Variants in TRAPPC9 observed in about 807,000 individuals in gnomAD.
The protein encoded by TRAPPC9 is trafficking protein particle complex subunit 9.
In TRAPPC9, 83 loss-of-function variants were observed where a neutral mutation model predicts 124.0. The observed-to-expected ratio is 0.67, with a 90% CI of 0.56 to 0.80. The LOEUF (loss-of-function observed/expected upper bound fraction) is 0.80. TRAPPC9 is among the 30% of genes least tolerant of loss of function. TRAPPC9 has a pLI of 0.00. For synonymous variants in TRAPPC9, 638 were observed against 617.5 expected (o/e 1.03, Z -0.49); for missense variants, 1,302 against 1,508.3 (o/e 0.86, Z 2.27).
chr8:140,136,668 T>G (rs1005754034), intron 17 of TRAPPC9, among the ~76,000 whole-genome samples: 1 of 152,144 alleles, frequency 6.6e-6, no homozygotes, highest in Non-Finnish European at 1.5e-5. Context: ...TGAAACCTTA[T>G]CTCTACTAAA....
intron 7 of TRAPPC9, among the ~76,000 whole-genome samples, chr8:140,371,618 CT>C (rs1163723586): frequency 1.1e-5 from 1 of 93,742 alleles, no homozygotes; most frequent in Non-Finnish European, 2.1e-5. Context: ...AGACTTAAGA[CT>C]TCAGGGTTTA....
intron 19 of TRAPPC9, among the ~76,000 whole-genome samples, chr8:139,972,045 C>T (rs568296489): frequency 1.3e-5 from 2 of 152,034 alleles, no homozygotes; most frequent in East Asian, 3.9e-4. Context: ...AGGCTGATCT[C>T]GAACTCCTGA....
chr8:140,064,547 G>C (rs1842806282), intron 17 of TRAPPC9, among the ~76,000 whole-genome samples: 1 of 152,192 alleles, frequency 6.6e-6, no homozygotes, highest in African/African-American at 2.4e-5. Flanking sequence ...AATTTCCCCT[G>C]CAGGCGCACA....
At chr8:140,303,682 A>G (rs1381701756) in intron 10 of TRAPPC9, among the ~76,000 whole-genome samples, 1 of 152,236 alleles carries the variant, frequency 6.6e-6, no homozygotes, top group African/African-American at 2.4e-5. Context: ...ATTTTGGAAC[A>G]CAATTAAAAT....
intron 17 of TRAPPC9, among the ~76,000 whole-genome samples, chr8:140,170,334 G>A (rs1242643434): frequency 1.3e-5 from 2 of 152,142 alleles, no homozygotes; most frequent in Admixed American, 6.5e-5. Context: ...CTGTTCTCTA[G>A]ATTAAGAAAC....
At chr8:140,094,036 T>A (rs1200092183) in intron 17 of TRAPPC9, among the ~76,000 whole-genome samples, 1 of 152,296 alleles carries the variant, frequency 6.6e-6, no homozygotes, top group East Asian at 1.9e-4. Flanking sequence ...CTTGAAGAGC[T>A]GAGGAGGTCA....
At chr8:140,115,178 A>G (rs2060855193) in intron 17 of TRAPPC9, among the ~76,000 whole-genome samples, 1 of 152,170 alleles carries the variant, frequency 6.6e-6, no homozygotes, top group South Asian at 2.1e-4. Context: ...TTGCATGTCT[A>G]CTTACCCACA....
At chr8:140,274,574 T>C (rs2065056923) in intron 15 of TRAPPC9, among the ~76,000 whole-genome samples, 1 of 152,238 alleles carries the variant, frequency 6.6e-6, no homozygotes, top group South Asian at 2.1e-4. Flanking sequence ...CAAGATACCC[T>C]GAAATTCTCC....
chr8:140,268,805 T>C (rs58603321), intron 15 of TRAPPC9, among the ~76,000 whole-genome samples: 37,522 of 152,004 alleles, frequency 0.25, 5,060 homozygotes, highest in African/African-American at 0.35. Flanking sequence ...GCATGACGGG[T>C]GACTACACTT....
chr8:140,121,649 T>C lies in TRAPPC9; in HGVS notation c.2557-97570A>G, dbSNP rs1394188424. Among the ~76,000 whole-genome samples the C allele has an allele frequency of 7.9e-5, 12 of 152,176 alleles. No homozygotes were observed. The South Asian group carries it at 1.7e-3, about 21-fold the overall frequency. On this transcript the variant is annotated intron_variant, in intron 17 of 22. Coordinates refer to ENST00000438773, the MANE Select transcript of TRAPPC9 (RefSeq NM_001160372.4). ...TAATTATAGGCACACTGTGAAGTCA[T>C]TACCAAAGGCAAAATTGCATGTCTA...
intron 17 of TRAPPC9, 111 bp from the exon 18 acceptor site, chr8:140,024,190 TAGTCA>T: frequency 7.4e-7 from 1 of 1,342,528 alleles, no homozygotes; most frequent in Non-Finnish European, 1.0e-6. Flanking sequence ...TAATCCCAAC[TAGTCA>T]AGTCATCAGC....
At chr8:140,113,272 G>T (rs529896320) in intron 17 of TRAPPC9, among the ~76,000 whole-genome samples, 1 of 152,350 alleles carries the variant, frequency 6.6e-6, no homozygotes, top group African/African-American at 2.4e-5. Context: ...ATCCCAGGCA[G>T]CATGTGCTGC....
At chr8:140,003,208 G>C (rs1038378289) in intron 18 of TRAPPC9, among the ~76,000 whole-genome samples, 1 of 151,896 alleles carries the variant, frequency 6.6e-6, no homozygotes, top group African/African-American at 2.4e-5. Flanking sequence ...ACTTAAAAAG[G>C]TACTTTACCA....
Position 139,907,664 on chromosome 8 carries a change from C to G in TRAPPC9, c.2964+2483G>C, listed in dbSNP as rs1159085672. On this transcript the variant is annotated intron_variant, in intron 20 of 22. Coordinates refer to ENST00000438773, the MANE Select transcript of TRAPPC9 (RefSeq NM_001160372.4). This position sits in a 1 kb window ranked among gnomAD's most constrained non-coding sequence, Gnocchi z 4.7. ...AATCAAGCTCTCATAAACTTCCGAT[C>G]AGTAAATGTATGGGGCAGATGTGCT... Among the ~76,000 whole-genome samples the G allele has an allele frequency of 6.6e-6, 1 of 152,106 alleles. No homozygotes were observed. Among genetic ancestry groups the G allele is most frequent in the Non-Finnish European group, 1.5e-5 (1 of 68,026 alleles).
At chr8:140,019,174 T>A (rs1184914733) in intron 18 of TRAPPC9, among the ~76,000 whole-genome samples, 1 of 152,224 alleles carries the variant, frequency 6.6e-6, no homozygotes, top group Non-Finnish European at 1.5e-5. Flanking sequence ...TCATGCTGTT[T>A]TGTCCCTTTC....
chr8:140,175,384 C>A (rs1231270877), intron 17 of TRAPPC9, among the ~76,000 whole-genome samples: 1 of 151,818 alleles, frequency 6.6e-6, no homozygotes, highest in East Asian at 1.9e-4. Flanking sequence ...CAGGCTTCTA[C>A]CACAGAGGTC....
At chr8:140,409,361 C>A (rs1049473394) in intron 5 of TRAPPC9, among the ~76,000 whole-genome samples, 7 of 151,906 alleles carry the variant, frequency 4.6e-5, no homozygotes, top group Admixed American at 3.9e-4. Flanking sequence ...ACTGTGAGTG[C>A]GAATGATGCG....
chr8:140,293,469 T>C (rs1012251216), intron 11 of TRAPPC9, among the ~76,000 whole-genome samples: 1 of 152,178 alleles, frequency 6.6e-6, no homozygotes, highest in Non-Finnish European at 1.5e-5. Context: ...CCAACCCAAA[T>C]GTCCAACAAT....
intron 17 of TRAPPC9, among the ~76,000 whole-genome samples, chr8:140,183,957 G>GGGAGGGAGGAGGGAGGAGGGA (rs760482905): frequency 5.7e-5 from 3 of 52,910 alleles, no homozygotes; most frequent in Non-Finnish European, 3.7e-5. Context: ...GAGAGGGGAG[G>GGGAGGGAGGAGGGAGGAGGGA]GGAGGGAGGA....
Sources: gnomAD v4.1 joint callset for allele counts (sites outside exome capture counted in the v4.1 genomes callset) on GRCh38, gnomAD v4.1.1 for gene constraint, Gnocchi (gnomAD v3.1) non-coding constraint, MANE v1.5 for transcripts, NCBI Gene and HGNC (gene_info 2026-07-23, HGNC 2026-07-21) for gene names.